Variants in PGPEP1L observed in about 807,000 individuals in gnomAD.
The protein encoded by PGPEP1L is pyroglutamyl-peptidase I like.
In PGPEP1L, 7 loss-of-function variants were observed where a neutral mutation model predicts 6.0. The observed-to-expected ratio is 1.17, with a 90% confidence interval of 0.66 to 2.19. The LOEUF (loss-of-function observed/expected upper bound fraction) is 2.19, where lower values mean the gene tolerates loss of function less well. PGPEP1L is among the 30% of genes most tolerant of loss of function. The pLI is 0.00. For synonymous variants in PGPEP1L, 103 were observed against 83.9 expected, an observed-to-expected ratio of 1.23 and a Z score of -1.24; for missense variants, 209 against 192.5, an observed-to-expected ratio of 1.09 and a Z score of -0.51.
At chr15:98,988,005 C>T (rs1338112433) in intron 2 of PGPEP1L, among the ~76,000 whole-genome samples, 2 of 152,170 alleles carry the variant, frequency 1.3e-5, no homozygotes, top group African/African-American at 4.8e-5. Flanking sequence ...CCAGGGGATT[C>T]CCTCCGGTGC....
chr15:98,994,687 ACT>A (rs1478604346), intron 2 of PGPEP1L, among the ~76,000 whole-genome samples: 2 of 152,078 alleles, frequency 1.3e-5, no homozygotes, highest in Non-Finnish European at 2.9e-5. Context: ...TGCATTTCAC[ACT>A]GTCTTTCTCA....
intron 1 of PGPEP1L, among the ~76,000 whole-genome samples, chr15:99,006,983 A>T (rs72754838): frequency 0.098 from 14,846 of 152,210 alleles, 838 homozygotes; most frequent in African/African-American, 0.12. Context: ...TGACAGCAGG[A>T]CCACGTGGCT....
intron 3 of PGPEP1L, 78 bp downstream of exon 3, chr15:98,970,958 G>T: frequency 6.3e-7 from 1 of 1,582,692 alleles, no homozygotes; most frequent in South Asian, 1.2e-5. Flanking sequence ...ATCAACCCTA[G>T]AACCAGGACC....
intron 2 of PGPEP1L, among the ~76,000 whole-genome samples, chr15:98,999,425 A>G (rs142851542): frequency 5.4e-4 from 82 of 152,374 alleles, no homozygotes; most frequent in African/African-American, 1.9e-3. Context: ...AGAAAGACTG[A>G]TAACACCAAA....
chr15:98,985,885 T>TCCA (rs1330087888), intron 2 of PGPEP1L, among the ~76,000 whole-genome samples: 7 of 152,248 alleles, frequency 4.6e-5, no homozygotes, highest in African/African-American at 1.7e-4. Context: ...CATTGCTGCT[T>TCCA]CCACCAGGCA....
intron 2 of PGPEP1L, among the ~76,000 whole-genome samples, chr15:98,974,852 G>A (rs192741715): frequency 6.6e-6 from 1 of 152,022 alleles, no homozygotes; most frequent in East Asian, 1.9e-4. Flanking sequence ...AGCCAAAATC[G>A]CACCACTTCA....
chr15:98,985,130 C>T (rs543921544), intron 2 of PGPEP1L, among the ~76,000 whole-genome samples: 46 of 152,268 alleles, frequency 3.0e-4, no homozygotes, highest in African/African-American at 9.4e-4. Context: ...TATGAACTCA[C>T]GGCACAGGGA....
chr15:98,992,630 C>CATAG (rs1323445231), intron 2 of PGPEP1L, among the ~76,000 whole-genome samples: 1 of 152,160 alleles, frequency 6.6e-6, no homozygotes, highest in East Asian at 1.9e-4. Flanking sequence ...AAAGAGCCTG[C>CATAG]ATAGCCAAGA....
chr15:98,979,265 A>C (rs2017619820), intron 2 of PGPEP1L, among the ~76,000 whole-genome samples: 1 of 152,166 alleles, frequency 6.6e-6, no homozygotes, highest in Non-Finnish European at 1.5e-5. Flanking sequence ...GTACTGCTCA[A>C]CTATGACAAA....
chr15:99,006,620 G>C (rs2018068225), intron 1 of PGPEP1L, among the ~76,000 whole-genome samples: 1 of 152,198 alleles, frequency 6.6e-6, no homozygotes, highest in Non-Finnish European at 1.5e-5. Flanking sequence ...CCTGAGGCCA[G>C]GAGTTCAAGA....
chr15:98,997,951 C>G (rs922074720), intron 2 of PGPEP1L, among the ~76,000 whole-genome samples: 1 of 152,154 alleles, frequency 6.6e-6, no homozygotes, highest in Non-Finnish European at 1.5e-5. Flanking sequence ...AACCCAAGTG[C>G]CAAAGACAAG....
intron 2 of PGPEP1L, among the ~76,000 whole-genome samples, chr15:98,974,245 GGCGCACGCCTGT>G (rs2017537231): frequency 6.6e-6 from 1 of 152,076 alleles, no homozygotes; most frequent in African/African-American, 2.4e-5. Context: ...TAGGCCTGCT[GGCGCACGCCTGT>G]AATCCCAGCT....
At chr15:98,969,758 A>G in intron 3 of PGPEP1L, 107 bp from the exon 4 acceptor site, 2 of 1,144,040 alleles carry the variant, frequency 1.7e-6, no homozygotes, top group South Asian at 2.6e-5. Context: ...TCTGTGCAAA[A>G]CATCTCAAAC....
At chr15:98,992,992 CTG>C (rs1198787219) in intron 2 of PGPEP1L, among the ~76,000 whole-genome samples, 1 of 151,996 alleles carries the variant, frequency 6.6e-6, no homozygotes, top group Non-Finnish European at 1.5e-5. Context: ...AGACCTAAAA[CTG>C]TAAGAACCCT....
chr15:98,998,901 G>A (rs2017922594), intron 2 of PGPEP1L, among the ~76,000 whole-genome samples: 1 of 152,204 alleles, frequency 6.6e-6, no homozygotes, highest in South Asian at 2.1e-4. Context: ...CTTGAACCCG[G>A]AAGGCAGAGG....
At position 98,974,023 on chromosome 15, in the gene PGPEP1L, C is replaced by G. The variant is rs1016787296; in HGVS notation, c.-141-2865G>C. Among the ~76,000 whole-genome samples, 5 of 152,054 alleles carry G rather than the reference C, an allele frequency of 3.3e-5. No individual in the cohort carries two copies. The East Asian group carries it at 9.6e-4, about 29-fold the overall frequency. ...GAAAAAGGAGACATTAAAATCGATACCCCAGAAATACAAAGGATCATCAGA... is the reference window on the plus strand; with the variant it reads ...GAAAAAGGAGACATTAAAATCGATAGCCCAGAAATACAAAGGATCATCAGA... On this transcript the variant is annotated intron_variant, in intron 2 of 4. Coordinates refer to ENST00000535714, the MANE Select transcript of PGPEP1L (RefSeq NM_001167902.2).
At chr15:98,994,976 T>G (rs965028642) in intron 2 of PGPEP1L, among the ~76,000 whole-genome samples, 2 of 152,228 alleles carry the variant, frequency 1.3e-5, no homozygotes, top group South Asian at 4.1e-4. Flanking sequence ...TGGCTAAAGA[T>G]CTCCTTGTTT....
In PGPEP1L at chr15:98,968,380, G is replaced by A. The variant is rs2151752423; in HGVS notation, c.*98C>T. ...TAATTCAGAGTTTTCCACCCTCTTT[G>A]TCTTACAAGCAATTTTTGAAAAAGT... On this transcript the variant is annotated 3_prime_UTR_variant, in exon 5 of 5. Coordinates refer to ENST00000535714, the MANE Select transcript of PGPEP1L (RefSeq NM_001167902.2). The A allele has an allele frequency of 6.4e-6, 8 of 1,240,410 alleles. No homozygotes were observed. The highest frequency in any genetic ancestry group is 2.1e-5 in the Admixed American group (1 of 46,828). The allele number at this position is 1,240,410 out of a possible 1,614,324, so 76.8% of individuals were successfully genotyped here.
At chr15:98,982,899 C>T (rs778276316) in intron 2 of PGPEP1L, among the ~76,000 whole-genome samples, 7 of 151,690 alleles carry the variant, frequency 4.6e-5, no homozygotes, top group Non-Finnish European at 8.8e-5. Flanking sequence ...TTAGTAGACA[C>T]AGGGTCTCAC....
Sources: allele counts gnomAD v4.1 joint callset (sites outside exome capture counted in the v4.1 genomes callset), GRCh38; gene constraint gnomAD v4.1.1; transcripts MANE v1.5; gene names NCBI Gene and HGNC (gene_info 2026-07-23, HGNC 2026-07-21).